The following UBE2U variants were observed in gnomAD, a reference collection of about 807,000 sequenced individuals.
UBE2U encodes ubiquitin-conjugating enzyme E2 U.
A neutral mutation model predicts 41.2 loss-of-function variants in UBE2U; 39 were observed. The observed-to-expected ratio is 0.95, with a 90% CI of 0.73 to 1.24. The LOEUF is 1.24. UBE2U is among the 50% of genes most tolerant of loss of function. UBE2U has a pLI of 0.00. For synonymous variants in UBE2U, 107 were observed against 117.8 expected, an observed-to-expected ratio of 0.91 and a Z score of 0.60; for missense variants, 336 against 363.1, an observed-to-expected ratio of 0.93 and a Z score of 0.61.
intron 8 of UBE2U, among the ~76,000 whole-genome samples, chr1:64,260,043 C>T (rs1645157682): frequency 6.6e-6 from 1 of 151,392 alleles, no homozygotes; most frequent in African/African-American, 2.4e-5. Context: ...TACAGAGACC[C>T]ACACGGAAAA....
chr1:64,265,793 G>A (rs567375788), intron 9 of UBE2U, among the ~76,000 whole-genome samples: 12 of 152,244 alleles, frequency 7.9e-5, no homozygotes, highest in African/African-American at 2.2e-4. Context: ...GGGCAGGCTG[G>A]TCTCGAACCC....
intron 2 of UBE2U, among the ~76,000 whole-genome samples, chr1:64,206,011 T>C (rs571662273): frequency 6.6e-6 from 1 of 152,290 alleles, no homozygotes; most frequent in South Asian, 2.1e-4. Context: ...AGCATATCAA[T>C]TGAGAGAATA....
At chr1:64,206,381 G>T (rs1317555677) in intron 2 of UBE2U, among the ~76,000 whole-genome samples, 1 of 151,954 alleles carries the variant, frequency 6.6e-6, no homozygotes, top group Non-Finnish European at 1.5e-5. Flanking sequence ...GAGTCCTGAA[G>T]AATCTGCCAG....
chr1:64,228,232 G>A (rs1327392022), intron 6 of UBE2U, among the ~76,000 whole-genome samples: 1 of 152,054 alleles, frequency 6.6e-6, no homozygotes, highest in Non-Finnish European at 1.5e-5. Context: ...TCCTGAATTA[G>A]GCACCATGGT....
chr1:64,259,112 A>C (rs1645142416), intron 8 of UBE2U, among the ~76,000 whole-genome samples: 1 of 152,112 alleles, frequency 6.6e-6, no homozygotes, highest in Admixed American at 6.5e-5. Flanking sequence ...TGGCTGCATA[A>C]ATGTCTTCTT....
At chr1:64,212,943 G>A (rs1038946274) in intron 4 of UBE2U, among the ~76,000 whole-genome samples, 3 of 151,850 alleles carry the variant, frequency 2.0e-5, no homozygotes, top group Admixed American at 6.6e-5. Context: ...TTTATTTTTC[G>A]AAAACATTAA....
rs1557730539 is a variant in UBE2U, at chr1:64,239,140, A to AGAGGAAGAGGAAGAGGAAGAGGAAGAG, written c.596-2510_596-2509insGGAAGAGGAAGAGGAAGAGGAAGAGGA. ...AAGAAGAAGAAGAAGAAGAAGAAGA[A>AGAGGAAGAGGAAGAGGAAGAGGAAGAG]GAAGAAGAAGAAGAAGAAAGAAGAA... On this transcript the variant is annotated intron_variant, in intron 7 of 9. Coordinates refer to ENST00000371077, the MANE Select transcript of UBE2U (RefSeq NM_001366232.2). Among the ~76,000 whole-genome samples, 266 of 28,240 alleles carry AGAGGAAGAGGAAGAGGAAGAGGAAGAG rather than the reference A, an allele frequency of 9.4e-3. 19 individuals are homozygous for AGAGGAAGAGGAAGAGGAAGAGGAAGAG. Among genetic ancestry groups the AGAGGAAGAGGAAGAGGAAGAGGAAGAG allele is most frequent in the East Asian group, 0.031 (20 of 652 alleles). 18.5% of individuals were successfully genotyped at this position (28,240 alleles called of 152,430 possible).
chr1:64,260,765 C>CT (rs1160276971), intron 9 of UBE2U, 71 bp downstream of exon 9: 22 of 1,230,156 alleles, frequency 1.8e-5, no homozygotes, highest in Non-Finnish European at 2.4e-5. Flanking sequence ...TAACTTTAAA[C>CT]TTTTTTCCAT....
intron 6 of UBE2U, among the ~76,000 whole-genome samples, chr1:64,224,107 G>A (rs1165638008): frequency 6.6e-6 from 1 of 152,084 alleles, no homozygotes; most frequent in Non-Finnish European, 1.5e-5. Context: ...ACCTGTATGC[G>A]AGTGGCTAAA....
intron 3 of UBE2U, 38 bp downstream of exon 3, chr1:64,206,894 G>A: frequency 8.5e-7 from 1 of 1,172,558 alleles, no homozygotes; most frequent in Non-Finnish European, 1.3e-6. Flanking sequence ...TAGAGGCTTT[G>A]TCCCTATTAT....
In UBE2U at chr1:64,232,655, G is replaced by T. The variant is rs1570050639; in HGVS notation, c.595+6G>T. On this transcript the variant is annotated splice_donor_region_variant and intron_variant, in intron 7 of 9. Coordinates refer to ENST00000371077, the MANE Select transcript of UBE2U (RefSeq NM_001366232.2). ...AGAATACTACAGAACTCCATGTAAG[G>T]TGAACTATCCTTATCCTATGTCCTT... is the stretch of plus-strand genomic sequence containing the variant. The T allele has an allele frequency of 6.2e-7, 1 of 1,605,992 alleles. No homozygotes were observed. The highest frequency in any genetic ancestry group is 8.5e-7 in the Non-Finnish European group (1 of 1,173,688).
intron 5 of UBE2U, among the ~76,000 whole-genome samples, chr1:64,218,288 C>T (rs979941426): frequency 2.0e-5 from 3 of 152,110 alleles, no homozygotes; most frequent in Admixed American, 6.5e-5. Context: ...AGTTTAACAG[C>T]AGGGTAGAGT....
At chr1:64,226,803 T>C (rs1276691388) in intron 6 of UBE2U, among the ~76,000 whole-genome samples, 1 of 151,618 alleles carries the variant, frequency 6.6e-6, no homozygotes, top group Non-Finnish European at 1.5e-5. Context: ...TTTCCAAACC[T>C]CCAAACTCAG....
chr1:64,227,141 T>C (rs1652926087), intron 6 of UBE2U, among the ~76,000 whole-genome samples: 1 of 152,192 alleles, frequency 6.6e-6, no homozygotes, highest in African/African-American at 2.4e-5. Context: ...AATAGGAATC[T>C]ACAAAAGTCC....
At chr1:64,245,769 A>G (rs1644910398) in intron 8 of UBE2U, among the ~76,000 whole-genome samples, 1 of 152,038 alleles carries the variant, frequency 6.6e-6, no homozygotes, top group African/African-American at 2.4e-5. Flanking sequence ...ACAGCCCAAG[A>G]CCTGATTCCT....
chr1:64,206,992 G>A, intron 3 of UBE2U, 136 bp downstream of exon 3: 1 of 647,540 alleles, frequency 1.5e-6, no homozygotes, highest in Non-Finnish European at 2.7e-6. Context: ...AATATGAAAA[G>A]GCTGGAAAAA....
At chr1:64,238,107 T>G (rs372633338) in intron 7 of UBE2U, among the ~76,000 whole-genome samples, 2 of 152,238 alleles carry the variant, frequency 1.3e-5, no homozygotes, top group East Asian at 3.9e-4. Flanking sequence ...GTGCCTAGCA[T>G]ATAATAAAAA....
intron 7 of UBE2U, among the ~76,000 whole-genome samples, chr1:64,237,368 A>G (rs2100418964): frequency 6.6e-6 from 1 of 152,272 alleles, no homozygotes; most frequent in African/African-American, 2.4e-5. Context: ...GCACAACAGA[A>G]AAGCAAGAAG....
At chr1:64,211,003 T>A (rs1472947460) in intron 4 of UBE2U, among the ~76,000 whole-genome samples, 164 bp downstream of exon 4, 2 of 152,228 alleles carry the variant, frequency 1.3e-5, no homozygotes, top group African/African-American at 4.8e-5. Context: ...GGAACTTACT[T>A]AAATTATAAA....
Sources: gnomAD v4.1 joint callset for allele counts (sites outside exome capture counted in the v4.1 genomes callset) on GRCh38, gnomAD v4.1.1 for gene constraint, MANE v1.5 for transcripts, NCBI Gene and HGNC (gene_info 2026-07-23, HGNC 2026-07-21) for gene names.